Variants in JAG2 observed in about 807,000 individuals in gnomAD.
JAG2 encodes protein jagged-2.
In JAG2, 46 loss-of-function variants were observed where a neutral mutation model predicts 141.7. The ratio of observed to expected loss-of-function variants is 0.32; its 90% CI spans 0.26 to 0.42. The LOEUF (loss-of-function observed/expected upper bound fraction) is 0.42, where lower values mean the gene tolerates loss of function less well. Ranked by LOEUF, JAG2 falls within the 10% of genes least tolerant of loss-of-function variation. The pLI, the probability that JAG2 is intolerant of heterozygous loss-of-function variation, is 1.00. For missense variants in JAG2, 1,500 were observed against 1,817.5 expected, an observed-to-expected ratio of 0.83 and a Z score of 3.18; for synonymous variants, 862 against 763.5, an observed-to-expected ratio of 1.13 and a Z score of -2.13.
In JAG2 at chr14:105,150,996, T is replaced by C. The variant is rs1185175175; in HGVS notation, c.1376A>G (p.His459Arg). The change falls in exon 10 of 26, where the codon CAT (histidine) becomes CGT (arginine). Residue 459 changes from histidine to arginine, a missense_variant. His to Arg is a conservative substitution (Grantham distance 29, BLOSUM62 0). Around this residue, in one of 3 missense-constraint regions of JAG2, gnomAD observed 875 missense variants for 1,202.2 expected, o/e 0.73. Coordinates refer to ENST00000331782, the MANE Select transcript of JAG2 (RefSeq NM_002226.5). ...CGCCCACCCCCCATACTGACTGATA[T>C]GGCAGTTGATGCCCTTCCAGCCCGG... The part of the protein sequence containing the change: ...CIPGWKGINC[H>R]INVNDCRGQC... 2 of 1,612,274 alleles carry C rather than the reference T, an allele frequency of 1.2e-6. No individual in the cohort carries two copies. Among genetic ancestry groups the C allele is most frequent in the South Asian group, 1.1e-5 (1 of 90,880 alleles).
chr14:105,143,740 G>C (rs1296866976), intron 24 of JAG2, 102 bp from the exon 25 acceptor site: 1 of 1,427,052 alleles, frequency 7.0e-7, no homozygotes, highest in Non-Finnish European at 9.6e-7. Flanking sequence ...CAAGGTGGGC[G>C]CACGGGAGAC....
chr14:105,142,672 C>T lies in JAG2; in HGVS notation c.*23G>A. ...ATGGCTCCCACCGAGGGCCCTGGGT[C>T]CCGGCCCAGCTGGCAGCCGCCCCTA... On this transcript the variant is annotated 3_prime_UTR_variant, in exon 26 of 26. Transcript: ENST00000331782. 4 of 1,566,958 alleles carry T rather than the reference C, an allele frequency of 2.6e-6. No homozygotes were observed. Among genetic ancestry groups the T allele is most frequent in the Non-Finnish European group, 3.5e-6 (4 of 1,153,220 alleles).
chr14:105,155,276 G>A (rs1205263613), intron 5 of JAG2, among the ~76,000 whole-genome samples: 1 of 151,956 alleles, frequency 6.6e-6, no homozygotes, highest in Non-Finnish European at 1.5e-5. Flanking sequence ...CCATCTCTGG[G>A]TGGCTTGCAG....
At position 105,150,767 on chromosome 14, in the gene JAG2, T is replaced by C; in HGVS notation, c.1439A>G (p.Asn480Ser). Reference sequence around the variant, plus strand: ...CCGTGGGCACACACACTGGTACCCGTTCACCAGGTCCTGGGCGGGCCAGCC... The same window carrying C: ...CCGTGGGCACACACACTGGTACCCGCTCACCAGGTCCTGGGCGGGCCAGCC... ...QHGGTCKDLV[N>S]GYQCVCPRGF... Residue 480 changes from asparagine to serine, a missense_variant, in exon 12 of 26, where the codon AAC becomes AGC. Transcript: ENST00000331782. The C allele has an allele frequency of 6.3e-7, 1 of 1,587,914 alleles. No individual in the cohort carries two copies.
intron 17 of JAG2, 90 bp downstream of exon 17, chr14:105,148,026 A>T (rs954530501): frequency 8.1e-7 from 1 of 1,229,912 alleles, no homozygotes; most frequent in Non-Finnish European, 1.2e-6. Flanking sequence ...TGTGGCCCTC[A>T]AAAAAGACCC....
intron 2 of JAG2, among the ~76,000 whole-genome samples, chr14:105,166,470 G>A (rs940624410): frequency 6.6e-6 from 1 of 152,232 alleles, no homozygotes; most frequent in East Asian, 1.9e-4. Flanking sequence ...GCCCGCCCCT[G>A]CCTTTTCCAT....
chr14:105,150,632 G>A lies in JAG2; in HGVS notation c.1574C>T (p.Pro525Leu). 1 of 1,549,584 alleles carries A rather than the reference G, an allele frequency of 6.5e-7. No homozygotes were observed. The highest frequency in any genetic ancestry group is 8.7e-7 in the Non-Finnish European group (1 of 1,146,568). ...ACAGAGAGGCCCGGAGAAGCCCTGG[G>A]GGCAGTGGCAGTGGAAGCCGTCGGC... ...DLADGFHCHC[P>L]QGFSGPLCEV... The change falls in exon 12 of 26, where the codon CCC (proline) becomes CTC (leucine). Residue 525 changes from proline to leucine, a missense_variant. By Grantham distance (98) the Pro-to-Leu change is moderately conservative (BLOSUM62 -3). Around this residue, in one of 3 missense-constraint regions of JAG2, gnomAD observed 875 missense variants for 1,202.2 expected, o/e 0.73. Coordinates refer to ENST00000331782, the MANE Select transcript of JAG2 (RefSeq NM_002226.5).
At position 105,148,468 on chromosome 14, in the gene JAG2, G is replaced by A. The variant is rs373319244; in HGVS notation, c.2021-29C>T. The A allele has an allele frequency of 2.3e-3, 3,598 of 1,556,760 alleles. 17 individuals are homozygous for A. Among genetic ancestry groups the A allele is most frequent in the South Asian group, 9.7e-3 (870 of 89,670 alleles). On this transcript the variant is annotated intron_variant, in intron 15 of 25. Coordinates refer to ENST00000331782, the MANE Select transcript of JAG2 (RefSeq NM_002226.5). ...GGGGCGAGGACGCCGGTCAGCGGGC[G>A]GGGGGTCACCGGCGCTCAGGGAGGG... is the stretch of plus-strand genomic sequence containing the variant.
chr14:105,143,539 G>A lies in JAG2; in HGVS notation c.3184C>T (p.Leu1062Phe), dbSNP rs373487292. The A allele has an allele frequency of 5.0e-6, 8 of 1,591,842 alleles. No homozygotes were observed. The highest frequency in any genetic ancestry group is 6.8e-6 in the Non-Finnish European group (8 of 1,172,154). Reference protein sequence around the residue: ...AITQRGNSSLLLAVTEVKVET... With the variant: ...AITQRGNSSLFLAVTEVKVET... ...ACCTTGACCTCGGTGACAGCCAGGA[G>A]CAGTGAGCTGTTCCCCCGCTGGGTG... The change falls in exon 25 of 26, where the codon CTC (leucine) becomes TTC (phenylalanine). Residue 1062 changes from leucine to phenylalanine, a missense_variant. By Grantham distance (22) the Leu-to-Phe change is conservative (BLOSUM62 0). Around this residue, in one of 3 missense-constraint regions of JAG2, gnomAD observed 425 missense variants for 441.0 expected, o/e 0.96. Coordinates refer to ENST00000331782, the MANE Select transcript of JAG2 (RefSeq NM_002226.5).
At chr14:105,150,525 G>A in intron 12 of JAG2, 79 bp downstream of exon 12, 3 of 1,407,376 alleles carry the variant, frequency 2.1e-6, no homozygotes, top group Admixed American at 2.1e-5. Flanking sequence ...GGGTCACTCA[G>A]GCCCCATGGT....
chr14:105,151,224 C>A, intron 9 of JAG2, 59 bp downstream of exon 9: 1 of 1,524,652 alleles, frequency 6.6e-7, no homozygotes, highest in Non-Finnish European at 8.9e-7. Context: ...GCAGCCCCAG[C>A]AGCCCCCGCA....
chr14:105,156,755 G>T (rs1595183639), intron 3 of JAG2, among the ~76,000 whole-genome samples: 1 of 152,138 alleles, frequency 6.6e-6, no homozygotes. Context: ...ACTCCCCAAG[G>T]GGCGTCCCGG....
chr14:105,154,635 GGA>G lies in JAG2; in HGVS notation c.788+925_788+926del, dbSNP rs1366232043. On this transcript the variant is annotated intron_variant, in intron 5 of 25. Transcript: ENST00000331782. The surrounding 1 kb of genome is among the most constrained non-coding windows in gnomAD (Gnocchi z 4.4). ...CATCCGCCCTGACCTGTGGCAGCCG[GGA>G]CTTGCTCCTTGGCCTCCCTCCTCTC... 6.6e-6 allele frequency among the ~76,000 whole-genome samples: 1 copy of G among 152,100 alleles called. No individual in the cohort carries two copies. Among genetic ancestry groups the G allele is most frequent in the Non-Finnish European group, 1.5e-5 (1 of 67,996 alleles).
chr14:105,145,196 C>T (rs903510473), intron 23 of JAG2, 135 bp from the exon 24 acceptor site: 11 of 1,245,616 alleles, frequency 8.8e-6, no homozygotes, highest in Non-Finnish European at 9.0e-6. Flanking sequence ...ATGCCAAGGG[C>T]CTGGGGGGGC....
At chr14:105,146,565 A>T (rs762554616) in intron 21 of JAG2, 46 bp downstream of exon 21, 1 of 1,602,308 alleles carries the variant, frequency 6.2e-7, no homozygotes, top group South Asian at 1.1e-5. Flanking sequence ...GGTGTCACCC[A>T]TGCCCCCCAA....
chr14:105,151,068 G>A lies in JAG2; in HGVS notation c.1304C>T (p.Ala435Val). 6.2e-7 allele frequency: 1 copy of A among 1,613,264 alleles called. No individual in the cohort carries two copies. Among genetic ancestry groups the A allele is most frequent in the Non-Finnish European group, 8.5e-7 (1 of 1,179,768 alleles). ...GCCAATCAGGTTTTTGCAAGAAAAA[G>A]CGTTAAGGCATGGCTTCCCTTCACA... Reference protein sequence around the residue: ...NECEGKPCLNAFSCKNLIGGY... With the variant: ...NECEGKPCLNVFSCKNLIGGY... The change falls in exon 10 of 26, where the codon GCT becomes GTT. Residue 435 changes from alanine (A) to valine (V), a missense_variant. By Grantham distance (64) the Ala-to-Val change is moderately conservative. Around this residue, in one of 3 missense-constraint regions of JAG2, gnomAD observed 875 missense variants for 1,202.2 expected, o/e 0.73. Coordinates refer to ENST00000331782, the MANE Select transcript of JAG2 (RefSeq NM_002226.5).
chr14:105,163,867 C>T (rs1380663150), intron 2 of JAG2, among the ~76,000 whole-genome samples: 3 of 151,396 alleles, frequency 2.0e-5, no homozygotes, highest in Non-Finnish European at 4.4e-5. Flanking sequence ...ACAGGGACCC[C>T]GCTCAGGCCT....
At position 105,148,799 on chromosome 14, in the gene JAG2, C is replaced by T; in HGVS notation, c.1966G>A (p.Asp656Asn). The change falls in exon 15 of 26, where the codon GAC becomes AAC. Residue 656 changes from aspartate to asparagine, a missense_variant. Physicochemically the swap from Asp to Asn is conservative, Grantham distance 23. Transcript: ENST00000331782. ...RNGGTCIDEV[D>N]AFRCFCPSGW... ...CTGGGGCAGAAGCAGCGGAAGGCGT[C>T]CACCTCATCGATGCATGTGCCCCCA... 1 of 1,597,952 alleles carries T rather than the reference C, an allele frequency of 6.3e-7. No individual in the cohort carries two copies. The highest frequency in any genetic ancestry group is 8.5e-7 in the Non-Finnish European group (1 of 1,173,098).
intron 2 of JAG2, among the ~76,000 whole-genome samples, chr14:105,166,759 A>G (rs1311670673): frequency 6.6e-6 from 1 of 152,210 alleles, no homozygotes; most frequent in Non-Finnish European, 1.5e-5. Flanking sequence ...CCAGGTGGGC[A>G]CACTCCGGTG....
Sources: allele counts gnomAD v4.1 joint callset (sites outside exome capture counted in the v4.1 genomes callset), GRCh38; gene constraint gnomAD v4.1.1; regional missense constraint gnomAD v4.1.1; non-coding constraint Gnocchi (gnomAD v3.1); transcripts MANE v1.5; gene names NCBI Gene and HGNC (gene_info 2026-07-23, HGNC 2026-07-21).